Variants in PLA2G4E observed in about 807,000 individuals in gnomAD.
The protein encoded by PLA2G4E is phospholipase A2 group IVE, also known as cytosolic phospholipase A2 epsilon.
In PLA2G4E, 84 loss-of-function variants were observed where a neutral mutation model predicts 109.1. The observed-to-expected ratio is 0.77, with a 90% CI of 0.65 to 0.92. The LOEUF (loss-of-function observed/expected upper bound fraction) is 0.92, where lower values mean the gene tolerates loss of function less well. Among genes scored for constraint, PLA2G4E ranks in the 40% least tolerant of loss-of-function variants. The pLI, the probability that PLA2G4E is intolerant of heterozygous loss-of-function variation, is 0.00. For missense variants in PLA2G4E, 1,057 were observed against 1,076.6 expected (o/e 0.98, Z 0.25); for synonymous variants, 469 against 436.1 (o/e 1.08, Z -0.94).
chr15:42,006,276 G>C, intron 3 of PLA2G4E, 155 bp from the exon 4 acceptor site: 1 of 914,954 alleles, frequency 1.1e-6, no homozygotes, highest in Non-Finnish European at 1.6e-6. Flanking sequence ...CATTTGTAGG[G>C]AAACGAATTA....
At position 42,036,918 on chromosome 15, in the gene PLA2G4E, C is replaced by T. The variant is rs566762947; in HGVS notation, c.183+13603G>A. ...AGTGCCTGCTCCCGTTGCCTGGCTT[C>T]TCCCCGCTGCCGGCGCCCACTCCGA... On this transcript the variant is annotated intron_variant, in intron 1 of 19. Transcript: ENST00000399518. 1.3e-4 allele frequency among the ~76,000 whole-genome samples: 20 copies of T among 152,314 alleles called. No homozygotes were observed. The East Asian group carries it at 3.9e-3, about 29-fold the overall frequency.
intron 1 of PLA2G4E, among the ~76,000 whole-genome samples, chr15:42,038,756 T>C (rs66843757): frequency 0.11 from 17,257 of 152,168 alleles, 1,665 homozygotes; most frequent in African/African-American, 0.25. Flanking sequence ...ACTGTGCACT[T>C]TCTTGTACAT....
At chr15:42,004,676 A>G (rs1267954145) in intron 5 of PLA2G4E, among the ~76,000 whole-genome samples, 1 of 152,184 alleles carries the variant, frequency 6.6e-6, no homozygotes, top group African/African-American at 2.4e-5. Context: ...GGCCTGAGGC[A>G]GGCTATTTGG....
At chr15:41,989,944 C>T (rs1056178785) in intron 14 of PLA2G4E, among the ~76,000 whole-genome samples, 177 bp downstream of exon 14, 2 of 152,210 alleles carry the variant, frequency 1.3e-5, no homozygotes, top group Admixed American at 1.3e-4. Context: ...CCGGCCTCAC[C>T]CATGCAGCAG....
chr15:42,032,835 T>A (rs1346851779), intron 1 of PLA2G4E, among the ~76,000 whole-genome samples: 4 of 152,168 alleles, frequency 2.6e-5, no homozygotes, highest in African/African-American at 9.7e-5. Flanking sequence ...GAGCTTTAAG[T>A]AACTAAAAAT....
rs562635513 is a variant in PLA2G4E, at chr15:42,036,262, A to G, written c.183+14259T>C. Among the ~76,000 whole-genome samples, 35 of 152,334 alleles carry G rather than the reference A, an allele frequency of 2.3e-4. 1 individual carries two copies. The South Asian group carries it at 5.0e-3, about 22-fold the overall frequency. On this transcript the variant is annotated intron_variant, in intron 1 of 19. Coordinates refer to ENST00000399518, the Ensembl canonical transcript of PLA2G4E. ...GGGGCCGCGGCGATGGGGCTGGGCCAGGTCGCCCGCTGGCAGAGGAGCAGC... is the reference window on the plus strand; with the variant it reads ...GGGGCCGCGGCGATGGGGCTGGGCCGGGTCGCCCGCTGGCAGAGGAGCAGC...
chr15:42,025,807 G>C (rs547443843), intron 1 of PLA2G4E, among the ~76,000 whole-genome samples: 2 of 152,014 alleles, frequency 1.3e-5, no homozygotes, highest in South Asian at 4.2e-4. Context: ...CAGAAAGGAT[G>C]GACCATTCAT....
At chr15:41,982,996 T>C (rs923464929) in exon 20 of PLA2G4E, 15 of 152,284 alleles carry the variant, frequency 9.9e-5, no homozygotes, top group African/African-American at 3.6e-4. Flanking sequence ...ATAAAAATAA[T>C]GAGACTAGGG....
chr15:42,002,636 A>G lies in PLA2G4E; in HGVS notation c.609+18T>C, dbSNP rs1181626495. ...AGCCGTGGCCTCTGGAGCTACAGGA[A>G]CCCAGGAAGATAATTACCACCAGCA... On this transcript the variant is annotated intron_variant, in intron 6 of 19. Transcript: ENST00000399518. 1 of 1,577,600 alleles carries G rather than the reference A, an allele frequency of 6.3e-7. No individual in the cohort carries two copies. Among genetic ancestry groups the G allele is most frequent in the Non-Finnish European group, 8.6e-7 (1 of 1,161,272 alleles).
intron 1 of PLA2G4E, among the ~76,000 whole-genome samples, chr15:42,049,933 C>T (rs72727729): frequency 0.078 from 11,851 of 152,256 alleles, 468 homozygotes; most frequent in South Asian, 0.13. Context: ...ATTTCTGTAG[C>T]CCACTCAATT....
intron 9 of PLA2G4E, 89 bp downstream of exon 9, chr15:41,999,828 C>G: frequency 7.2e-7 from 1 of 1,392,096 alleles, no homozygotes; most frequent in Non-Finnish European, 1.0e-6. Context: ...CACATTCTCT[C>G]TTGTACCTCC....
At chr15:42,034,624 A>G (rs566808384) in intron 1 of PLA2G4E, among the ~76,000 whole-genome samples, 1 of 152,122 alleles carries the variant, frequency 6.6e-6, no homozygotes, top group African/African-American at 2.4e-5. Context: ...GAACAATTAA[A>G]TCTCCTCCTC....
In PLA2G4E at chr15:42,002,647, T is replaced by A. The variant is rs1355484094; in HGVS notation, c.609+7A>T. On this transcript the variant is annotated splice_region_variant and intron_variant, in intron 6 of 19. Coordinates refer to ENST00000399518, the Ensembl canonical transcript of PLA2G4E. ...CTGGAGCTACAGGAACCCAGGAAGA[T>A]AATTACCACCAGCACGCCATTGGTG... is the stretch of plus-strand genomic sequence containing the variant. 2 of 1,582,584 alleles carry A rather than the reference T, an allele frequency of 1.3e-6. No individual in the cohort carries two copies. Among genetic ancestry groups the A allele is most frequent in the Non-Finnish European group, 1.7e-6 (2 of 1,164,168 alleles).
At chr15:41,995,314 C>A (rs773692157) in intron 12 of PLA2G4E, 46 bp downstream of exon 12, 2 of 1,592,568 alleles carry the variant, frequency 1.3e-6, no homozygotes, top group East Asian at 2.3e-5. Context: ...CCAGCCTGTT[C>A]GTGGCTTGCC....
chr15:42,015,973 G>A (rs1319329263), intron 1 of PLA2G4E, among the ~76,000 whole-genome samples: 1 of 152,178 alleles, frequency 6.6e-6, no homozygotes, highest in Non-Finnish European at 1.5e-5. Context: ...GCTTAGAAGA[G>A]TTTTTGTTGT....
chr15:41,989,525 A>G (rs1483378138), exon 15 of PLA2G4E: 3 of 1,613,592 alleles, frequency 1.9e-6, no homozygotes, highest in South Asian at 2.2e-5. Context: ...CTGCAGGCCC[A>G]CCTCGTAGGG....
chr15:42,002,287 A>AAAAAAAAAAAC (rs1555386330), intron 6 of PLA2G4E, among the ~76,000 whole-genome samples: 1 of 140,816 alleles, frequency 7.1e-6, no homozygotes, highest in African/African-American at 2.8e-5. Context: ...AAAAAAAAAA[A>AAAAAAAAAAAC]GGTAAACTGT....
chr15:42,020,149 A>G (rs1447722954), intron 1 of PLA2G4E, among the ~76,000 whole-genome samples: 1 of 152,232 alleles, frequency 6.6e-6, no homozygotes, highest in African/African-American at 2.4e-5. Flanking sequence ...AGGAGACTGA[A>G]CAGGGTCTTC....
At chr15:41,984,581 G>A in exon 19 of PLA2G4E, 1 of 1,613,850 alleles carries the variant, frequency 6.2e-7, no homozygotes, top group Non-Finnish European at 8.5e-7. Context: ...GGAAGGGGAT[G>A]TTCTGCACAG....
Sources: allele counts gnomAD v4.1 joint callset (sites outside exome capture counted in the v4.1 genomes callset), GRCh38; gene constraint gnomAD v4.1.1; transcripts MANE v1.5; gene names NCBI Gene and HGNC (gene_info 2026-07-23, HGNC 2026-07-21).